The following PCDH11X variants were observed in gnomAD, a reference collection of about 807,000 sequenced individuals.
The protein encoded by PCDH11X is protocadherin-11 X-linked.
In PCDH11X, 18 loss-of-function variants were observed where a neutral mutation model predicts 53.3. The ratio of observed to expected loss-of-function variants is 0.34; its 90% CI spans 0.23 to 0.50. The LOEUF is 0.50. Ranked by LOEUF, PCDH11X falls within the 20% of genes least tolerant of loss-of-function variation. The probability of loss-of-function intolerance (pLI) is 0.98; values close to 1 mark genes in which losing one functional copy is unlikely to be tolerated. For missense variants in PCDH11X, 570 were observed against 1,032.4 expected (o/e 0.55, Z 6.14); for synonymous variants, 279 against 393.3 (o/e 0.71, Z 3.44).
At chrX:92,575,938 T>TACACACACACACAC (rs1250408122) in intron 10 of PCDH11X, among the ~76,000 whole-genome samples, 1 of 27,112 alleles carries the variant, frequency 3.7e-5, no homozygotes, top group African/African-American at 1.9e-4. Context: ...TATATATATA[T>TACACACACACACAC]ATATATACAC....
At chrX:92,320,062 G>T (rs1295530854) in intron 8 of PCDH11X, among the ~76,000 whole-genome samples, 1 of 110,818 alleles carries the variant, frequency 9.0e-6, no homozygotes, top group Admixed American at 9.7e-5. Context: ...CAGTTAATGG[G>T]TTTGGGGTTG....
At chrX:92,039,595 A>G (rs908274044) in intron 6 of PCDH11X, among the ~76,000 whole-genome samples, 33 of 110,951 alleles carry the variant, frequency 3.0e-4, no homozygotes, top group Non-Finnish European at 5.3e-4. Context: ...CAGGCCTGGG[A>G]CTCACCCTTC....
intron 6 of PCDH11X, among the ~76,000 whole-genome samples, chrX:91,943,367 T>A (rs1218205295): frequency 1.8e-5 from 2 of 110,505 alleles, no homozygotes; most frequent in Non-Finnish European, 3.8e-5. Context: ...GTAGACAGTA[T>A]ACGAAAAATC....
intron 8 of PCDH11X, among the ~76,000 whole-genome samples, chrX:92,267,046 A>G (rs1004953902): frequency 1.1e-4 from 12 of 111,887 alleles, no homozygotes; most frequent in Non-Finnish European, 2.3e-4. Context: ...CACCCGGCCT[A>G]CTTATTTTCA....
chrX:92,154,049 G>C (rs1022126574), intron 6 of PCDH11X, among the ~76,000 whole-genome samples: 1 of 110,150 alleles, frequency 9.1e-6, no homozygotes, highest in African/African-American at 3.3e-5. Context: ...ACAAAAATAG[G>C]TTGAGACAAC....
At chrX:92,512,223 G>A (rs1293409039) in intron 10 of PCDH11X, among the ~76,000 whole-genome samples, 1 of 110,405 alleles carries the variant, frequency 9.1e-6, no homozygotes, top group Non-Finnish European at 1.9e-5. Context: ...ACTTTTATCA[G>A]TACCTCTCAG....
At chrX:91,983,304 C>T (rs1333252860) in intron 6 of PCDH11X, 12 of 955,804 alleles carry the variant, frequency 1.3e-5, no homozygotes, top group South Asian at 1.9e-5. Flanking sequence ...AACGTCAGGC[C>T]GTACTCAGTC....
rs776330755 is a variant in PCDH11X, at chrX:91,815,811, T to A, written c.-45+4516T>A. On this transcript the variant is annotated intron_variant, in intron 4 of 10. Transcript: ENST00000682573. ...TATTGACACATGGGAAAGGAATAAG[T>A]AAATGTAAATGAAAACTAATTAAGC... 1.6e-4 allele frequency among the ~76,000 whole-genome samples: 17 copies of A among 108,835 alleles called. No homozygotes were observed. In the East Asian group the frequency reaches 4.9e-3, roughly 31 times the overall value. The allele number at this position is 108,835 out of a possible 115,157, so 94.5% of individuals were successfully genotyped here.
chrX:91,886,985 AAG>A (rs1491431550), intron 6 of PCDH11X, among the ~76,000 whole-genome samples: 23 of 93,633 alleles, frequency 2.5e-4, no homozygotes, highest in East Asian at 6.6e-4. Flanking sequence ...AAAAAAAAAA[AAG>A]AAAAGAAAAG....
chrX:91,907,510 A>G (rs886531610), intron 6 of PCDH11X, among the ~76,000 whole-genome samples: 1 of 106,678 alleles, frequency 9.4e-6, no homozygotes, highest in African/African-American at 3.4e-5. Flanking sequence ...AATACTACCA[A>G]TGGTTTTCAA....
rs766671132 is a variant in PCDH11X at position 91,946,558 on chromosome X, CATATATATATAT to C, written c.3033+67315_3033+67326del. ...AATTTGGATTCAAACCTGTTTCCCTCATATATATATATATATATATATATATATATATATATA... is the reference window on the plus strand; with the variant it reads ...AATTTGGATTCAAACCTGTTTCCCTCATATATATATATATATATATATATA... On this transcript the variant is annotated intron_variant, in intron 6 of 10. Coordinates refer to ENST00000682573, the MANE Select transcript of PCDH11X (RefSeq NM_032968.5). Among the ~76,000 whole-genome samples, 85 of 31,623 alleles carry C rather than the reference CATATATATATAT, an allele frequency of 2.7e-3. 1 individual carries two copies. Among genetic ancestry groups the C allele is most frequent in the Middle Eastern group, 0.026 (1 of 39 alleles). 27.5% of individuals were successfully genotyped at this position (31,623 alleles called of 115,157 possible). A position where few individuals can be genotyped will look rare whatever the true frequency, so the allele number is the denominator to read the frequency against.
At chrX:91,888,188 A>G (rs931467583) in intron 6 of PCDH11X, among the ~76,000 whole-genome samples, 22 of 112,127 alleles carry the variant, frequency 2.0e-4, no homozygotes, top group African/African-American at 7.1e-4. Flanking sequence ...ATCACATTTC[A>G]TTAGATTTCA....
At chrX:91,780,966 C>T (rs1412031468) in intron 1 of PCDH11X, among the ~76,000 whole-genome samples, 1 of 111,968 alleles carries the variant, frequency 8.9e-6, no homozygotes, top group Non-Finnish European at 1.9e-5. Flanking sequence ...ATTTATTCCG[C>T]GTTCCTCTGC....
Position 92,387,924 on chromosome X carries a change from C to T in PCDH11X, c.3334C>T (p.Pro1112Ser), listed in dbSNP as rs761103994. ...NRTEGDGNSD[P>S]ESTFIPGLKK... ...CACTGAAGGGGATGGCAACTCCGATCCTGAATCTAGTAAGTGATACCTCTC... is the reference window on the plus strand; with the variant it reads ...CACTGAAGGGGATGGCAACTCCGATTCTGAATCTAGTAAGTGATACCTCTC... The change falls in exon 9 of 11, where the codon CCT (proline) becomes TCT (serine). Residue 1112 changes from proline (P) to serine (S), a missense_variant. Pro to Ser is a moderately conservative substitution (Grantham distance 74). Coordinates refer to ENST00000682573, the MANE Select transcript of PCDH11X (RefSeq NM_032968.5). 11 of 1,207,635 alleles carry T rather than the reference C, an allele frequency of 9.1e-6. No homozygotes were observed. Among genetic ancestry groups the T allele is most frequent in the Non-Finnish European group, 1.2e-5 (11 of 894,157 alleles).
intron 6 of PCDH11X, among the ~76,000 whole-genome samples, chrX:92,013,740 C>T (rs1295057786): frequency 1.8e-5 from 2 of 111,451 alleles, no homozygotes; most frequent in African/African-American, 6.5e-5. Flanking sequence ...ACATCTACAA[C>T]CATCTGATCT....
intron 6 of PCDH11X, among the ~76,000 whole-genome samples, chrX:92,008,237 C>G (rs1373114333): frequency 9.0e-6 from 1 of 110,710 alleles, no homozygotes; most frequent in East Asian, 2.9e-4. Context: ...CGTTGCAATT[C>G]TTATGGCCTA....
In PCDH11X at chrX:92,620,728, T is replaced by C. The variant is rs994258940; in HGVS notation, c.*1788T>C. 4 of 110,368 alleles carry C rather than the reference T, an allele frequency of 3.6e-5. No homozygotes were observed. In the Admixed American group the frequency reaches 3.9e-4, roughly 11 times the overall value. 9.1% of individuals were successfully genotyped at this position (110,368 alleles called of 1,213,427 possible). A position where few individuals can be genotyped will look rare whatever the true frequency, so the allele number is the denominator to read the frequency against. On this transcript the variant is annotated 3_prime_UTR_variant, in exon 11 of 11. Transcript: ENST00000682573. ...ATCCATTGTAAAGTTCCTTAAGTCA[T>C]ATTTGACTGGGCGTGCAGAATAACT...
At chrX:92,047,852 G>A (rs2063312400) in intron 6 of PCDH11X, among the ~76,000 whole-genome samples, 1 of 109,486 alleles carries the variant, frequency 9.1e-6, no homozygotes, top group African/African-American at 3.3e-5. Flanking sequence ...CCAGCTCAAT[G>A]AATTGTCAAA....
intron 10 of PCDH11X, among the ~76,000 whole-genome samples, chrX:92,590,275 G>A (rs942946457): frequency 9.0e-6 from 1 of 111,180 alleles, no homozygotes; most frequent in African/African-American, 3.3e-5. Flanking sequence ...CTGGCATCAT[G>A]TCTATTAAAC....
Sources: gnomAD v4.1 joint callset for allele counts (sites outside exome capture counted in the v4.1 genomes callset) on GRCh38, gnomAD v4.1.1 for gene constraint, MANE v1.5 for transcripts, NCBI Gene and HGNC (gene_info 2026-07-23, HGNC 2026-07-21) for gene names.